Variants in MEIS2 observed in about 807,000 individuals in gnomAD.
MEIS2 encodes Meis homeobox 2, also known as homeobox protein Meis2.
MEIS2 carries 9 observed loss-of-function variants against 58.6 expected under a neutral mutation model. The ratio of observed to expected loss-of-function variants is 0.15; its 90% CI spans 0.09 to 0.27. MEIS2 has a LOEUF of 0.27. Among genes scored for constraint, MEIS2 ranks in the 10% least tolerant of loss-of-function variants. The pLI, the probability that MEIS2 is intolerant of heterozygous loss-of-function variation, is 1.00. For synonymous variants in MEIS2, 221 were observed against 228.4 expected (o/e 0.97, Z 0.29); for missense variants, 427 against 635.0 (o/e 0.67, Z 3.52).
intron 8 of MEIS2, among the ~76,000 whole-genome samples, chr15:36,983,584 C>T (rs918724385): frequency 1.2e-4 from 18 of 151,884 alleles, no homozygotes; most frequent in Non-Finnish European, 1.8e-4. Flanking sequence ...AATATGGTGG[C>T]TCCAGCTTTG....
intron 7 of MEIS2, among the ~76,000 whole-genome samples, chr15:37,080,998 A>C (rs567795882): frequency 1.3e-5 from 2 of 152,304 alleles, no homozygotes; most frequent in East Asian, 3.9e-4. Flanking sequence ...ATCAGGTCAT[A>C]AAACAAGGTA....
chr15:36,943,403 T>C (rs571982064), intron 9 of MEIS2, among the ~76,000 whole-genome samples: 23 of 152,132 alleles, frequency 1.5e-4, no homozygotes, highest in Non-Finnish European at 3.1e-4. Context: ...TCTCCATCAA[T>C]GAAAGAGAGG....
At position 37,081,204 on chromosome 15, in the gene MEIS2, A is replaced by C. The variant is rs575169723; in HGVS notation, c.754+2567T>G. 7.9e-5 allele frequency among the ~76,000 whole-genome samples: 12 copies of C among 152,308 alleles called. No individual in the cohort carries two copies. In the East Asian group the frequency reaches 2.1e-3, roughly 27 times the overall value. On this transcript the variant is annotated intron_variant, in intron 7 of 11. Coordinates refer to ENST00000561208, the MANE Select transcript of MEIS2 (RefSeq NM_170675.5). Reference sequence around the variant, plus strand: ...TTTATCATAATTTGTTTTGAAACTGAATCATTTTACAGTTTTCCATATGCC... The same window carrying C: ...TTTATCATAATTTGTTTTGAAACTGCATCATTTTACAGTTTTCCATATGCC...
At chr15:36,926,122 A>G (rs1156349264) in intron 9 of MEIS2, among the ~76,000 whole-genome samples, 1 of 150,746 alleles carries the variant, frequency 6.6e-6, no homozygotes, top group Admixed American at 6.6e-5. Flanking sequence ...ACTTGCATGC[A>G]TATTTCTGGA....
intron 9 of MEIS2, among the ~76,000 whole-genome samples, chr15:36,915,131 A>C (rs1339150266): frequency 1.3e-5 from 2 of 151,862 alleles, no homozygotes; most frequent in Non-Finnish European, 2.9e-5. Flanking sequence ...AAATATACTG[A>C]GCCTAGTTTA....
At chr15:37,085,906 G>A (rs994063614) in intron 6 of MEIS2, among the ~76,000 whole-genome samples, 19 of 152,004 alleles carry the variant, frequency 1.2e-4, no homozygotes, top group Admixed American at 3.3e-4. Flanking sequence ...GCTGTTTGCC[G>A]GGCGGTAATG....
At chr15:36,949,247 C>T (rs1246046158) in intron 9 of MEIS2, among the ~76,000 whole-genome samples, 5 of 151,580 alleles carry the variant, frequency 3.3e-5, no homozygotes. Context: ...CTGGCTAATT[C>T]TCCAAGCATG....
intron 8 of MEIS2, among the ~76,000 whole-genome samples, chr15:36,972,278 A>G (rs2059596258): frequency 6.6e-6 from 1 of 152,232 alleles, no homozygotes; most frequent in African/African-American, 2.4e-5. Context: ...GTTTAAAAAA[A>G]CAAACATCCT....
chr15:36,908,417 C>T (rs952793211), intron 9 of MEIS2, among the ~76,000 whole-genome samples: 4 of 152,064 alleles, frequency 2.6e-5, no homozygotes, highest in Admixed American at 1.3e-4. Flanking sequence ...ATTTTCCCCC[C>T]GATTTGTGAG....
chr15:37,050,737 G>A (rs2062882039), intron 7 of MEIS2: 1 of 152,214 alleles, frequency 6.6e-6, no homozygotes, highest in South Asian at 2.1e-4. Context: ...GTACTCATGG[G>A]GGGAAATGGT....
chr15:37,095,275 T>C (rs1406974997), intron 4 of MEIS2, among the ~76,000 whole-genome samples: 1 of 151,652 alleles, frequency 6.6e-6, no homozygotes, highest in South Asian at 2.1e-4. Context: ...ATAACTCACT[T>C]CTCGCAGTTT....
chr15:37,077,979 C>T (rs866372099), intron 7 of MEIS2, among the ~76,000 whole-genome samples: 1 of 152,064 alleles, frequency 6.6e-6, no homozygotes, highest in Non-Finnish European at 1.5e-5. Flanking sequence ...GAAAGGGATA[C>T]ATTTAAAAAC....
intron 8 of MEIS2, among the ~76,000 whole-genome samples, chr15:36,970,370 C>G (rs1213227648): frequency 6.6e-6 from 1 of 150,762 alleles, no homozygotes; most frequent in Non-Finnish European, 1.5e-5. Flanking sequence ...CGCCACTGCA[C>G]TCCAGCCTGG....
In MEIS2 at chr15:36,896,222, A is replaced by T. The variant is rs115258577; in HGVS notation, c.1036+406T>A. 5.9e-3 allele frequency among the ~76,000 whole-genome samples: 901 copies of T among 152,328 alleles called. 5 individuals are homozygous for T. Among genetic ancestry groups the T allele is most frequent in the African/African-American group, 0.021 (855 of 41,560 alleles). On this transcript the variant is annotated intron_variant, in intron 10 of 11. Transcript: ENST00000561208. ...ATATTATGAATAGCCAAAGCAAATG[A>T]ATGGATACAATAAGTTTAACAGCAG...
chr15:37,093,510 A>C, intron 6 of MEIS2, 71 bp downstream of exon 6: 1 of 1,551,618 alleles, frequency 6.4e-7, no homozygotes, highest in Non-Finnish European at 8.8e-7. Flanking sequence ...GTGGAGCTAG[A>C]TGTTAAAACA....
intron 9 of MEIS2, among the ~76,000 whole-genome samples, chr15:36,906,701 A>G (rs1224238427): frequency 6.6e-6 from 1 of 151,280 alleles, no homozygotes; most frequent in Non-Finnish European, 1.5e-5. Flanking sequence ...AAAGGTAGGG[A>G]CTTAACTTCA....
intron 7 of MEIS2, among the ~76,000 whole-genome samples, chr15:37,056,261 T>G (rs951281243): frequency 6.6e-6 from 1 of 152,194 alleles, no homozygotes. Context: ...CAAAATATCA[T>G]GCTCGCAGAT....
chr15:37,007,005 G>A (rs1483960910), intron 8 of MEIS2, among the ~76,000 whole-genome samples: 1 of 152,216 alleles, frequency 6.6e-6, no homozygotes, highest in African/African-American at 2.4e-5. Flanking sequence ...AGTAAGTCTA[G>A]ACGAATATAT....
In MEIS2 at chr15:37,048,432, C is replaced by G. The variant is rs541918112; in HGVS notation, c.755-11473G>C. 2.0e-5 allele frequency among the ~76,000 whole-genome samples: 3 copies of G among 152,122 alleles called. No homozygotes were observed. The South Asian group carries it at 6.2e-4, about 32-fold the overall frequency. ...TTCATTCCATTTTTAAGAGTCCTTACTTCATTATCAAATTTGCTATCTAAA... is the reference window on the plus strand; with the variant it reads ...TTCATTCCATTTTTAAGAGTCCTTAGTTCATTATCAAATTTGCTATCTAAA... On this transcript the variant is annotated intron_variant, in intron 7 of 11. Coordinates refer to ENST00000561208, the MANE Select transcript of MEIS2 (RefSeq NM_170675.5).
Sources: gnomAD v4.1 joint callset for allele counts (sites outside exome capture counted in the v4.1 genomes callset) on GRCh38, gnomAD v4.1.1 for gene constraint, MANE v1.5 for transcripts, NCBI Gene and HGNC (gene_info 2026-07-23, HGNC 2026-07-21) for gene names.